The following AGAP1 variants were observed in gnomAD, a reference collection of about 807,000 sequenced individuals.
The protein encoded by AGAP1 is ArfGAP with GTPase domain, ankyrin repeat and PH domain 1.
A neutral mutation model predicts 105.3 loss-of-function variants in AGAP1; 29 were observed. The observed-to-expected ratio is 0.28, with a 90% confidence interval of 0.21 to 0.38. The LOEUF is 0.38. AGAP1 is among the 10% of genes least tolerant of loss of function. AGAP1 has a pLI of 1.00. For synonymous variants in AGAP1, 509 were observed against 485.9 expected, an observed-to-expected ratio of 1.05 and a Z score of -0.63; for missense variants, 998 against 1,165.1, an observed-to-expected ratio of 0.86 and a Z score of 2.09.
chr2:235,628,455 G>A (rs1020503215), intron 1 of AGAP1, among the ~76,000 whole-genome samples: 5 of 152,140 alleles, frequency 3.3e-5, no homozygotes, highest in Admixed American at 3.3e-4. Context: ...ATGGATTTCT[G>A]GGAATGTACT....
At position 236,042,273 on chromosome 2, in the gene AGAP1, C is replaced by T. The variant is rs1034936854; in HGVS notation, c.1891+1432C>T. Among the ~76,000 whole-genome samples, 1 of 152,060 alleles carries T rather than the reference C, an allele frequency of 6.6e-6. No individual in the cohort carries two copies. Among genetic ancestry groups the T allele is most frequent in the African/African-American group, 2.4e-5 (1 of 41,412 alleles). ...CCAGACAAAAGGGAAAGGAAGCGCC[C>T]CCTCCAAGAGTCCACTCAGCAGCAT... On this transcript the variant is annotated intron_variant, in intron 15 of 17. Transcript: ENST00000304032. This position sits in a 1 kb window ranked among gnomAD's most constrained non-coding sequence, Gnocchi z 5.6.
In AGAP1 at chr2:235,599,313, TTC is replaced by T. The variant is rs1237276226; in HGVS notation, c.163+104466_163+104467del. Among the ~76,000 whole-genome samples, 5 of 152,038 alleles carry T rather than the reference TTC, an allele frequency of 3.3e-5. No individual in the cohort carries two copies. The highest frequency in any genetic ancestry group is 2.0e-4 in the Admixed American group (3 of 15,244). On this transcript the variant is annotated intron_variant, in intron 1 of 17. Coordinates refer to ENST00000304032, the MANE Select transcript of AGAP1 (RefSeq NM_001037131.3). The surrounding 1 kb of genome is among the most constrained non-coding windows in gnomAD (Gnocchi z 5.3). Reference sequence around the variant, plus strand: ...TGTGTTGGGGGGGTGGCAGTGTGCTTTCTTCCTGCCCCAATTTTGCCCAGGAG... The same window carrying T: ...TGTGTTGGGGGGGTGGCAGTGTGCTTTTCCTGCCCCAATTTTGCCCAGGAG...
Position 236,090,665 on chromosome 2 carries a change from T to A in AGAP1, c.2115-29527T>A, listed in dbSNP as rs1259071899. On this transcript the variant is annotated intron_variant, in intron 16 of 17. Transcript: ENST00000304032. This position sits in a 1 kb window ranked among gnomAD's most constrained non-coding sequence, Gnocchi z 4.3. ...AGCAGGGAGGGGGTCTTCCTGGTTA[T>A]ACGGCCCAGCTTGCAAACATAATCC... 6.6e-6 allele frequency among the ~76,000 whole-genome samples: 1 copy of A among 152,242 alleles called. No individual in the cohort carries two copies. The highest frequency in any genetic ancestry group is 1.5e-5 in the Non-Finnish European group (1 of 68,042).
rs1277940746 is a variant in AGAP1, at chr2:235,957,395, C to T, written c.1484-11067C>T. 3.9e-5 allele frequency among the ~76,000 whole-genome samples: 6 copies of T among 152,180 alleles called. No homozygotes were observed. Among genetic ancestry groups the T allele is most frequent in the African/African-American group, 1.4e-4 (6 of 41,434 alleles). Reference sequence around the variant, plus strand: ...TCCCCGTTTTTATAACTCAGTCTAACACTGTGTTGTCTTTTCCTTTCGCCA... The same window carrying T: ...TCCCCGTTTTTATAACTCAGTCTAATACTGTGTTGTCTTTTCCTTTCGCCA... On this transcript the variant is annotated intron_variant, in intron 12 of 17. Coordinates refer to ENST00000304032, the MANE Select transcript of AGAP1 (RefSeq NM_001037131.3). This position sits in a 1 kb window ranked among gnomAD's most constrained non-coding sequence, Gnocchi z 4.6.
At chr2:236,118,730 A>G (rs2059831602) in intron 16 of AGAP1, among the ~76,000 whole-genome samples, 1 of 152,078 alleles carries the variant, frequency 6.6e-6, no homozygotes, top group South Asian at 2.1e-4. Context: ...GGCAGGGAGC[A>G]CTTCCCTGGC....
At chr2:235,634,973 C>A (rs1480590563) in intron 1 of AGAP1, among the ~76,000 whole-genome samples, 1 of 151,798 alleles carries the variant, frequency 6.6e-6, no homozygotes, top group Non-Finnish European at 1.5e-5. Flanking sequence ...AGCCTCCCCC[C>A]CGCTGTAGAC....
rs1003342632 is a variant in AGAP1, at chr2:236,129,079, A to G, written c.*4957A>G. ...CACATCTTGAATGACTGTCACCCTC[A>G]TCCTTCCCCAAAAAGCTAAATAAGG... On this transcript the variant is annotated 3_prime_UTR_variant, in exon 18 of 18. Coordinates refer to ENST00000304032, the MANE Select transcript of AGAP1 (RefSeq NM_001037131.3). This position sits in a 1 kb window ranked among gnomAD's most constrained non-coding sequence, Gnocchi z 6.2. The G allele has an allele frequency of 4.6e-5, 7 of 152,190 alleles. No homozygotes were observed. Among genetic ancestry groups the G allele is most frequent in the African/African-American group, 1.4e-4 (6 of 41,450 alleles). 9.4% of individuals were successfully genotyped at this position (152,190 alleles called of 1,614,324 possible).
At chr2:235,999,296 G>A (rs112506578) in intron 13 of AGAP1, among the ~76,000 whole-genome samples, 2 of 129,838 alleles carry the variant, frequency 1.5e-5, no homozygotes, top group Non-Finnish European at 3.4e-5. Context: ...AGAGGTGGTG[G>A]TGGTGATGGT....
In AGAP1 at chr2:235,737,925, G is replaced by C. The variant is rs180687565; in HGVS notation, c.311-3038G>C. ...AAAGTTGAACCTTAGGGTTCATCAAGCAGGGAGGGCTTCCACATACCCTTG... is the reference window on the plus strand; with the variant it reads ...AAAGTTGAACCTTAGGGTTCATCAACCAGGGAGGGCTTCCACATACCCTTG... On this transcript the variant is annotated intron_variant, in intron 3 of 17. Transcript: ENST00000304032. The surrounding 1 kb of genome is among the most constrained non-coding windows in gnomAD (Gnocchi z 4.5). Among the ~76,000 whole-genome samples the C allele has an allele frequency of 2.0e-5, 3 of 152,044 alleles. No homozygotes were observed. The highest frequency in any genetic ancestry group is 4.4e-5 in the Non-Finnish European group (3 of 68,000).
rs868277128 is a variant in AGAP1 at position 235,739,779 on chromosome 2, G to A, written c.311-1184G>A. ...AGGGCCTCGGACACTTTCAGGCTGGGATGGGGACTCTGATTTTTTGCTTCT... is the reference window on the plus strand; with the variant it reads ...AGGGCCTCGGACACTTTCAGGCTGGAATGGGGACTCTGATTTTTTGCTTCT... On this transcript the variant is annotated intron_variant, in intron 3 of 17. Coordinates refer to ENST00000304032, the MANE Select transcript of AGAP1 (RefSeq NM_001037131.3). This position sits in a 1 kb window ranked among gnomAD's most constrained non-coding sequence, Gnocchi z 5.3. Among the ~76,000 whole-genome samples the A allele has an allele frequency of 6.6e-6, 1 of 152,208 alleles. No individual in the cohort carries two copies. The highest frequency in any genetic ancestry group is 1.5e-5 in the Non-Finnish European group (1 of 68,042).
chr2:235,778,938 A>G (rs1956082809), intron 6 of AGAP1, among the ~76,000 whole-genome samples: 1 of 152,212 alleles, frequency 6.6e-6, no homozygotes, highest in Non-Finnish European at 1.5e-5. Context: ...TCTGTGCCTC[A>G]CATGGATCAA....
intron 9 of AGAP1, among the ~76,000 whole-genome samples, chr2:235,861,746 A>G (rs151002808): frequency 1.6e-4 from 25 of 152,280 alleles, no homozygotes; most frequent in African/African-American, 5.5e-4. Flanking sequence ...AGGTACCCTG[A>G]TTCCTGCTTA....
Position 235,556,425 on chromosome 2 carries a change from A to G in AGAP1, c.163+61576A>G, listed in dbSNP as rs1943976367. ...GGCCAGTCTCGTCCAGGCTGCCCAC[A>G]CCTAGGTCTTCAGGATGGGACAAGG... On this transcript the variant is annotated intron_variant, in intron 1 of 17. Transcript: ENST00000304032. This position sits in a 1 kb window ranked among gnomAD's most constrained non-coding sequence, Gnocchi z 5.3. Among the ~76,000 whole-genome samples, 1 of 152,200 alleles carries G rather than the reference A, an allele frequency of 6.6e-6. No individual in the cohort carries two copies. The highest frequency in any genetic ancestry group is 1.5e-5 in the Non-Finnish European group (1 of 68,024).
At chr2:235,618,684 AATT>A (rs1237305597) in intron 1 of AGAP1, among the ~76,000 whole-genome samples, 1 of 152,172 alleles carries the variant, frequency 6.6e-6, no homozygotes, top group African/African-American at 2.4e-5. Flanking sequence ...GGCTGTTAAT[AATT>A]ATTATTACTG....
chr2:235,659,690 C>T lies in AGAP1; in HGVS notation c.164-49489C>T, dbSNP rs1947886563. Among the ~76,000 whole-genome samples the T allele has an allele frequency of 6.6e-6, 1 of 151,590 alleles. No individual in the cohort carries two copies. Among genetic ancestry groups the T allele is most frequent in the Non-Finnish European group, 1.5e-5 (1 of 68,048 alleles). Reference sequence around the variant, plus strand: ...TCTGGGGATGGGTTCAATTATTATCCTCTCTGTAAACAGTTCTCAGTTATT... The same window carrying T: ...TCTGGGGATGGGTTCAATTATTATCTTCTCTGTAAACAGTTCTCAGTTATT... On this transcript the variant is annotated intron_variant, in intron 1 of 17. Transcript: ENST00000304032. The surrounding 1 kb of genome is among the most constrained non-coding windows in gnomAD (Gnocchi z 5.0).
rs2125920628 is a variant in AGAP1, at chr2:236,105,887, G to T, written c.2115-14305G>T. On this transcript the variant is annotated intron_variant, in intron 16 of 17. Transcript: ENST00000304032. The surrounding 1 kb of genome is among the most constrained non-coding windows in gnomAD (Gnocchi z 4.2). ...GCTGGGATTACAGGCGTGAGCCATC[G>T]TGCCCGGCCCCTCTTGTGCCTCTTC... is the stretch of plus-strand genomic sequence containing the variant. 6.6e-6 allele frequency among the ~76,000 whole-genome samples: 1 copy of T among 152,278 alleles called. No individual in the cohort carries two copies.
At chr2:235,820,273 A>T (rs1185161446) in intron 9 of AGAP1, among the ~76,000 whole-genome samples, 1 of 152,210 alleles carries the variant, frequency 6.6e-6, no homozygotes, top group Non-Finnish European at 1.5e-5. Flanking sequence ...TATTCATTAA[A>T]TTGTATTTTC....
At chr2:235,638,085 G>A (rs541025930) in intron 1 of AGAP1, among the ~76,000 whole-genome samples, 5 of 152,252 alleles carry the variant, frequency 3.3e-5, no homozygotes, top group East Asian at 3.9e-4. Context: ...CTGTTGGGGC[G>A]TTCCTTGGCC....
chr2:235,594,883 G>GTT (rs34386154), intron 1 of AGAP1, among the ~76,000 whole-genome samples: 17,420 of 109,600 alleles, frequency 0.16, 1,632 homozygotes, highest in South Asian at 0.22. Context: ...CCAGATTGCT[G>GTT]TTTTTTTTTT....
Sources: allele counts gnomAD v4.1 joint callset (sites outside exome capture counted in the v4.1 genomes callset), GRCh38; gene constraint gnomAD v4.1.1; non-coding constraint Gnocchi (gnomAD v3.1); transcripts MANE v1.5; gene names NCBI Gene and HGNC (gene_info 2026-07-23, HGNC 2026-07-21).